The following MBP variants were observed in gnomAD, a reference collection of about 807,000 sequenced individuals.
MBP encodes Golli-MBP.
A neutral mutation model predicts 35.8 loss-of-function variants in MBP; 16 were observed. That is an observed-to-expected ratio of 0.45 (90% confidence interval 0.30 to 0.68). The LOEUF (loss-of-function observed/expected upper bound fraction) is 0.68. MBP is among the 30% of genes least tolerant of loss of function. MBP has a pLI of 0.08. For synonymous variants in MBP, 143 were observed against 159.6 expected (o/e 0.90, Z 0.78); for missense variants, 380 against 404.7 (o/e 0.94, Z 0.52).
At position 77,020,252 on chromosome 18, in the gene MBP, G is replaced by A. The variant is rs73968254; in HGVS notation, c.140-2984C>T. The stretch of plus-strand genomic sequence containing the variant: ...GAAAGAAAGGTCTCTGGCCTGGGGT[G>A]GGGGAGTGGGGAGAGTGGCTGCAGG... On this transcript the variant is annotated intron_variant, in intron 3 of 8. Transcript: ENST00000355994. The surrounding 1 kb of genome is among the most constrained non-coding windows in gnomAD (Gnocchi z 4.1). Among the ~76,000 whole-genome samples the A allele has an allele frequency of 1.6e-4, 24 of 152,244 alleles. No individual in the cohort carries two copies. The highest frequency in any genetic ancestry group is 3.4e-3 in the Middle Eastern group (1 of 294).
At chr18:77,057,200 A>T (rs765546045) in intron 3 of MBP, among the ~76,000 whole-genome samples, 4 of 152,214 alleles carry the variant, frequency 2.6e-5, no homozygotes, top group Non-Finnish European at 5.9e-5. Context: ...TCAGACAGAC[A>T]TGAGAACTGC....
At chr18:77,114,366 G>A (rs1976578404) in intron 1 of MBP, 1 of 152,150 alleles carries the variant, frequency 6.6e-6, no homozygotes, top group East Asian at 1.9e-4. Flanking sequence ...GCAAATTACT[G>A]GCCCCAGAGT....
chr18:76,986,647 C>T (rs890211658), intron 7 of MBP: 29 of 985,436 alleles, frequency 2.9e-5, no homozygotes, highest in Middle Eastern at 5.2e-4. Context: ...CAGCCAGCCT[C>T]GCTCTTGCGT....
intron 4 of MBP, among the ~76,000 whole-genome samples, chr18:76,993,567 AAC>A (rs1970091571): frequency 1.4e-5 from 2 of 145,438 alleles, no homozygotes; most frequent in South Asian, 4.4e-4. Context: ...AAAAAAAAAA[AAC>A]AAAAGATCCC....
chr18:77,095,365 T>TA (rs1399244873), intron 2 of MBP: 5 of 152,202 alleles, frequency 3.3e-5, no homozygotes, highest in Admixed American at 3.3e-4. Flanking sequence ...TTATGTGACT[T>TA]ACCTATAAAG....
In MBP at chr18:77,131,518, C is replaced by G. The variant is rs948089319; in HGVS notation, c.-26+1062G>C. On this transcript the variant is annotated intron_variant, in intron 1 of 8. Coordinates refer to ENST00000355994, the MANE Select transcript of MBP (RefSeq NM_001025101.2). The surrounding 1 kb of genome is among the most constrained non-coding windows in gnomAD (Gnocchi z 5.5). ...GCCCCTCACCCACGCGCAGAGAAAC[C>G]GAGCACTTGTTGATTCTCACGTTGT... 1.3e-5 allele frequency: 2 copies of G among 152,124 alleles called. No homozygotes were observed. Among genetic ancestry groups the G allele is most frequent in the Non-Finnish European group, 2.9e-5 (2 of 68,042 alleles). The allele number at this position is 152,124 out of a possible 1,614,324, so 9.4% of individuals were successfully genotyped here. A position where few individuals can be genotyped will look rare whatever the true frequency, so the allele number is the denominator to read the frequency against.
intron 1 of MBP, among the ~76,000 whole-genome samples, chr18:77,107,021 C>T (rs1173747599): frequency 2.0e-5 from 3 of 152,122 alleles, no homozygotes; most frequent in Non-Finnish European, 4.4e-5. Flanking sequence ...TGTGAGGTGT[C>T]GTTTGAACCC....
At chr18:77,113,449 C>G (rs933719211) in intron 1 of MBP, 1 of 152,384 alleles carries the variant, frequency 6.6e-6, no homozygotes, top group Admixed American at 6.5e-5. Flanking sequence ...TTCTGGCCTC[C>G]AGGACTGTGT....
Position 77,016,919 on chromosome 18 carries a change from G to A in MBP, c.489C>T (p.Leu163=), listed in dbSNP as rs1599072703. ...STMDHARHGF[L]PRHRDTGILD... The stretch of plus-strand genomic sequence containing the variant: ...GGATGCCCGTGTCTCTGTGCCTTGG[G>A]AGGAAGCCATGCCTGGCATGGTCCA... The change falls in exon 4 of 9, where the codon CTC becomes CTT. Residue 163 remains leucine, a synonymous_variant. Transcript: ENST00000355994. 5.0e-6 allele frequency: 8 copies of A among 1,614,222 alleles called. No homozygotes were observed. The highest frequency in any genetic ancestry group is 5.9e-6 in the Non-Finnish European group (7 of 1,180,044).
intron 2 of MBP, among the ~76,000 whole-genome samples, chr18:77,081,287 A>C (rs941544003): frequency 1.3e-5 from 2 of 152,232 alleles, no homozygotes; most frequent in African/African-American, 4.8e-5. Flanking sequence ...AGTGGTGAAA[A>C]TATTTGCAAA....
rs552826963 is a variant in MBP, at chr18:76,985,127, G to A, written c.751-233C>T. The A allele has an allele frequency of 6.0e-5, 92 of 1,536,888 alleles. No individual in the cohort carries two copies. The African/African-American group carries it at 1.1e-3, about 19-fold the overall frequency. On this transcript the variant is annotated intron_variant, in intron 7 of 8. Coordinates refer to ENST00000355994, the MANE Select transcript of MBP (RefSeq NM_001025101.2). Reference sequence around the variant, plus strand: ...GAGAGAGGAGGGCTCTGGTTTGGGCGGAGGCTCTCTCATGAGATATGCGGC... The same window carrying A: ...GAGAGAGGAGGGCTCTGGTTTGGGCAGAGGCTCTCTCATGAGATATGCGGC...
chr18:77,094,829 G>A (rs1262887262), intron 2 of MBP, among the ~76,000 whole-genome samples: 10 of 152,026 alleles, frequency 6.6e-5, no homozygotes, highest in Middle Eastern at 3.2e-3. Flanking sequence ...CATCTAAATC[G>A]CTTAAAAATA....
chr18:77,110,292 T>C (rs754001850), intron 1 of MBP: 1 of 152,286 alleles, frequency 6.6e-6, no homozygotes, highest in East Asian at 1.9e-4. Flanking sequence ...CAGAAGCGGA[T>C]ACGAGGCAGC....
intron 1 of MBP, chr18:77,108,839 T>C (rs1976360398): frequency 6.6e-6 from 1 of 152,240 alleles, no homozygotes; most frequent in Non-Finnish European, 1.5e-5. Context: ...ACCTTGTTCC[T>C]AGGTATTTTA....
At chr18:77,013,000 A>G (rs995227332) in intron 4 of MBP, 5 of 985,358 alleles carry the variant, frequency 5.1e-6, no homozygotes, top group Admixed American at 6.1e-5. Flanking sequence ...ACTATCGTCT[A>G]TTCATACAAC....
chr18:76,991,896 G>A (rs774238893), intron 4 of MBP, among the ~76,000 whole-genome samples: 1 of 152,214 alleles, frequency 6.6e-6, no homozygotes, highest in African/African-American at 2.4e-5. Context: ...GGCCTAACTC[G>A]CCCTGAAAAG....
chr18:76,990,907 C>T, intron 4 of MBP: 7 of 315,670 alleles, frequency 2.2e-5, no homozygotes, highest in South Asian at 9.3e-5. Context: ...ACTCAGTGTG[C>T]GGCTCTCCTG....
intron 3 of MBP, among the ~76,000 whole-genome samples, chr18:77,064,824 C>T (rs1339058972): frequency 3.9e-5 from 6 of 152,164 alleles, no homozygotes; most frequent in Non-Finnish European, 5.9e-5. Context: ...GAAAGGGATG[C>T]GTATTTTAGT....
At chr18:77,062,026 C>T (rs1375954732) in intron 3 of MBP, among the ~76,000 whole-genome samples, 1 of 152,214 alleles carries the variant, frequency 6.6e-6, no homozygotes, top group Non-Finnish European at 1.5e-5. Flanking sequence ...GGACATCCAT[C>T]CTCTGTGGCA....
Sources: gnomAD v4.1 joint callset for allele counts (sites outside exome capture counted in the v4.1 genomes callset) on GRCh38, gnomAD v4.1.1 for gene constraint, Gnocchi (gnomAD v3.1) non-coding constraint, MANE v1.5 for transcripts, NCBI Gene and HGNC (gene_info 2026-07-23, HGNC 2026-07-21) for gene names.